B4GALT1: variants seen among roughly 807,000 people sequenced by gnomAD.
The protein encoded by B4GALT1 is N-acetyllactosamine synthase.
In B4GALT1, 16 loss-of-function variants were observed where a neutral mutation model predicts 34.9. The observed-to-expected ratio is 0.46, with a 90% CI of 0.31 to 0.70. B4GALT1 has a LOEUF of 0.70. Among genes scored for constraint, B4GALT1 ranks in the 30% least tolerant of loss-of-function variants. B4GALT1 has a pLI of 0.05. For synonymous variants in B4GALT1, 221 were observed against 218.1 expected (o/e 1.01, Z -0.12); for missense variants, 445 against 530.5 (o/e 0.84, Z 1.58).
At chr9:33,105,976 C>G (rs770325662), downstream of B4GALT1, among the ~76,000 whole-genome samples, 1 of 136,646 alleles carries the variant, frequency 7.3e-6, no homozygotes, top group African/African-American at 2.7e-5. Flanking sequence ...GGGTATATAG[C>G]TAAAAATGGA....
At chr9:33,153,095 T>A (rs1840546832) in intron 1 of B4GALT1, among the ~76,000 whole-genome samples, 1 of 152,114 alleles carries the variant, frequency 6.6e-6, no homozygotes, top group South Asian at 2.1e-4. Flanking sequence ...TTTGCTTAAC[T>A]TCATCAGTAA....
At chr9:33,162,142 A>G (rs1840684545) in intron 1 of B4GALT1, among the ~76,000 whole-genome samples, 1 of 152,264 alleles carries the variant, frequency 6.6e-6, no homozygotes, top group African/African-American at 2.4e-5. Context: ...TATAATCATT[A>G]TAAAGCAGCA....
chr9:33,166,012 C>A (rs1316800704), intron 1 of B4GALT1, among the ~76,000 whole-genome samples: 1 of 152,170 alleles, frequency 6.6e-6, no homozygotes, highest in Non-Finnish European at 1.5e-5. Context: ...AAGCTCTCTG[C>A]CCCTGGGAGA....
intron 2 of B4GALT1, among the ~76,000 whole-genome samples, chr9:33,124,702 T>A (rs1840067773): frequency 6.6e-6 from 1 of 152,172 alleles, no homozygotes; most frequent in Non-Finnish European, 1.5e-5. Context: ...TTCCCATCCA[T>A]CTTGAACAGT....
chr9:33,170,320 G>A (rs114962723), upstream of B4GALT1, among the ~76,000 whole-genome samples: 1,487 of 152,254 alleles, frequency 9.8e-3, 23 homozygotes, highest in African/African-American at 0.034. Context: ...AATGATGTGG[G>A]AAGGAGAGAA....
Position 33,113,879 on chromosome 9 carries a change from C to G in B4GALT1, c.960-1G>C. On this transcript the variant is annotated splice_acceptor_variant, in intron 4 of 5. Coordinates refer to ENST00000379731, the MANE Select transcript of B4GALT1 (RefSeq NM_001497.4). LOFTEE classifies it high-confidence loss of function. Reference sequence around the variant, plus strand: ...TATAGACATGCCTCTAAAAACTAATCTGCAAAGAGTAAAGGGAAAGTCATT... The same window carrying G: ...TATAGACATGCCTCTAAAAACTAATGTGCAAAGAGTAAAGGGAAAGTCATT... 6.2e-7 allele frequency: 1 copy of G among 1,614,026 alleles called. No homozygotes were observed. Among genetic ancestry groups the G allele is most frequent in the Non-Finnish European group, 8.5e-7 (1 of 1,179,886 alleles).
intron 3 of B4GALT1, among the ~76,000 whole-genome samples, chr9:33,118,445 A>T (rs939357146): frequency 1.3e-5 from 2 of 151,950 alleles, no homozygotes; most frequent in Non-Finnish European, 2.9e-5. Flanking sequence ...GGATTGCTTG[A>T]GCCCCCAGGA....
Position 33,116,114 on chromosome 9 carries a change from C to T in B4GALT1, c.837-1G>A. ...TCCAAAATACTGAACATAAGGTAGG[C>T]TGGAGGAAAAACATACACACAGAAG... On this transcript the variant is annotated splice_acceptor_variant, in intron 3 of 5. Transcript: ENST00000379731. LOFTEE classifies it high-confidence loss of function. 6.2e-7 allele frequency: 1 copy of T among 1,612,730 alleles called. No individual in the cohort carries two copies. The highest frequency in any genetic ancestry group is 8.5e-7 in the Non-Finnish European group (1 of 1,179,170).
At chr9:33,173,429 A>G in the B4GALT1 span, among the ~76,000 whole-genome samples, 115 of 151,996 alleles carry the variant, frequency 7.6e-4, no homozygotes, top group Non-Finnish European at 1.3e-3. Context: ...AAAAAAAAAA[A>G]GCAACTATAT....
chr9:33,161,615 T>A (rs138728304), intron 1 of B4GALT1, among the ~76,000 whole-genome samples: 1 of 152,294 alleles, frequency 6.6e-6, no homozygotes, highest in Non-Finnish European at 1.5e-5. Flanking sequence ...TACAGTGACC[T>A]CACTGCCCAG....
the B4GALT1 span, among the ~76,000 whole-genome samples, chr9:33,173,802 G>A: frequency 1.1e-4 from 16 of 152,138 alleles, no homozygotes; most frequent in Admixed American, 1.0e-3. Context: ...AAACTCTTGT[G>A]TCAGAAAGTG....
chr9:33,132,853 C>T (rs1156336013), intron 2 of B4GALT1, among the ~76,000 whole-genome samples: 1 of 152,170 alleles, frequency 6.6e-6, no homozygotes, highest in Non-Finnish European at 1.5e-5. Context: ...TCAGCATCAT[C>T]GCTAACTCTT....
chr9:33,135,412 A>T lies in B4GALT1; in HGVS notation c.425T>A (p.Leu142Gln), dbSNP rs1480161344. Reference protein sequence around the residue: ...EESPLLVGPMLIEFNMPVDLE... With the variant: ...EESPLLVGPMQIEFNMPVDLE... ...GTCCACAGGCATGTTAAACTCAATC[A>T]GCATGGGGCCCACTAGAGAGGTGGA... The change falls in exon 2 of 6, where the codon CTG (leucine) becomes CAG (glutamine). Residue 142 changes from leucine (L) to glutamine (Q), a missense_variant. Leu to Gln is a moderately radical substitution (Grantham distance 113). Around this residue, in one of 3 missense-constraint regions of B4GALT1, gnomAD observed 349 missense variants for 395.5 expected, o/e 0.88. Coordinates refer to ENST00000379731, the MANE Select transcript of B4GALT1 (RefSeq NM_001497.4). 1 of 1,614,056 alleles carries T rather than the reference A, an allele frequency of 6.2e-7. No individual in the cohort carries two copies. Among genetic ancestry groups the T allele is most frequent in the African/African-American group, 1.3e-5 (1 of 74,916 alleles).
chr9:33,104,822 C>CT (rs145270477), intron 2 of B4GALT1: 23,816 of 389,890 alleles, frequency 0.061, no homozygotes, highest in South Asian at 0.085. Context: ...ATCATTTTAC[C>CT]TTTTTTTTTT....
chr9:33,153,991 G>A (rs1458199185), intron 1 of B4GALT1, among the ~76,000 whole-genome samples: 5 of 139,842 alleles, frequency 3.6e-5, no homozygotes, highest in African/African-American at 1.4e-4. Context: ...GGGAAAAGAA[G>A]GGAGGGGAGG....
At chr9:33,175,392 T>C in the B4GALT1 span, among the ~76,000 whole-genome samples, 2 of 152,084 alleles carry the variant, frequency 1.3e-5, no homozygotes, top group South Asian at 4.1e-4. Context: ...AAAATGATAA[T>C]AATGTAGCCA....
intron 1 of B4GALT1, among the ~76,000 whole-genome samples, chr9:33,157,101 CGGTGTCCAGCATAGGGA>C (rs1564053120): frequency 1.3e-4 from 15 of 115,382 alleles, no homozygotes; most frequent in African/African-American, 2.1e-4. Flanking sequence ...CACACACACA[CGGTGTCCAGCATAGGGA>C]ACTACACACA....
At chr9:33,121,721 AC>A (rs967886095) in intron 2 of B4GALT1, among the ~76,000 whole-genome samples, 1 of 151,752 alleles carries the variant, frequency 6.6e-6, no homozygotes, top group Non-Finnish European at 1.5e-5. Flanking sequence ...TTTTTTATTC[AC>A]CCAGTTCCTT....
At chr9:33,123,876 C>T (rs1474200280) in intron 2 of B4GALT1, among the ~76,000 whole-genome samples, 1 of 152,198 alleles carries the variant, frequency 6.6e-6, no homozygotes, top group Non-Finnish European at 1.5e-5. Flanking sequence ...ACGGCCCTTT[C>T]AACGTGGTGA....
Sources: allele counts gnomAD v4.1 joint callset (sites outside exome capture counted in the v4.1 genomes callset), GRCh38; gene constraint gnomAD v4.1.1; regional missense constraint gnomAD v4.1.1; transcripts MANE v1.5; gene names NCBI Gene and HGNC (gene_info 2026-07-23, HGNC 2026-07-21).